The following MAML2 variants were observed in gnomAD, a reference collection of about 807,000 sequenced individuals.
The protein encoded by MAML2 is mastermind like transcriptional coactivator 2, also known as mastermind-like protein 2.
A neutral mutation model predicts 96.1 loss-of-function variants in MAML2; 22 were observed. The ratio of observed to expected loss-of-function variants is 0.23; its 90% confidence interval spans 0.16 to 0.33. The LOEUF is 0.33. Ranked by LOEUF, MAML2 falls within the 10% of genes least tolerant of loss-of-function variation. The pLI, the probability that MAML2 is intolerant of heterozygous loss-of-function variation, is 1.00. For synonymous variants in MAML2, 561 were observed against 521.3 expected (o/e 1.08, Z -1.04); for missense variants, 1,367 against 1,392.4 (o/e 0.98, Z 0.29).
In MAML2 at chr11:96,313,451, T is replaced by C. The variant is rs1437199820; in HGVS notation, c.513+27932A>G. 3.9e-5 allele frequency among the ~76,000 whole-genome samples: 6 copies of C among 152,128 alleles called. No individual in the cohort carries two copies. In the East Asian group the frequency reaches 1.2e-3, roughly 29 times the overall value. ...TGCATTTCCCTTTTTTCACACTCCT[T>C]TCCCACCATGCCAAATCCCACCACT... On this transcript the variant is annotated intron_variant, in intron 1 of 4. Coordinates refer to ENST00000524717, the MANE Select transcript of MAML2 (RefSeq NM_032427.4).
chr11:96,104,324 C>T (rs756569487), intron 1 of MAML2, among the ~76,000 whole-genome samples: 2 of 152,096 alleles, frequency 1.3e-5, no homozygotes, highest in Admixed American at 6.5e-5. Flanking sequence ...GAAAACACGT[C>T]GAGATGCCGA....
chr11:96,145,233 C>G (rs377377005), intron 1 of MAML2, among the ~76,000 whole-genome samples: 8 of 152,158 alleles, frequency 5.3e-5, no homozygotes, highest in African/African-American at 1.9e-4. Context: ...GCCTTGCTTC[C>G]TGTTTTCCCT....
chr11:96,295,901 C>A lies in MAML2; in HGVS notation c.513+45482G>T, dbSNP rs1046045635. Reference sequence around the variant, plus strand: ...TGGATGTAAAACTTTCTTCCTGTAACCCACAACAAGAAATCCATTTCACAT... The same window carrying A: ...TGGATGTAAAACTTTCTTCCTGTAAACCACAACAAGAAATCCATTTCACAT... On this transcript the variant is annotated intron_variant, in intron 1 of 4. Transcript: ENST00000524717. 3.5e-5 allele frequency among the ~76,000 whole-genome samples: 4 copies of A among 114,790 alleles called. No individual in the cohort carries two copies. The Admixed American group carries it at 3.9e-4, about 11-fold the overall frequency. 75.3% of individuals were successfully genotyped at this position (114,790 alleles called of 152,430 possible). A position where few individuals can be genotyped will look rare whatever the true frequency, so the allele number is the denominator to read the frequency against.
chr11:96,127,848 C>T (rs117692623), intron 1 of MAML2, among the ~76,000 whole-genome samples: 1,572 of 152,278 alleles, frequency 0.01, 14 homozygotes, highest in Non-Finnish European at 0.013. Context: ...ATCCTAGTGG[C>T]CCTACTGTTT....
intron 1 of MAML2, among the ~76,000 whole-genome samples, chr11:96,100,261 T>C (rs1196321107): frequency 6.6e-6 from 1 of 152,150 alleles, no homozygotes; most frequent in Non-Finnish European, 1.5e-5. Flanking sequence ...TGTTTGTTTG[T>C]TGTTTTATGT....
chr11:96,308,176 G>A (rs1237009014), intron 1 of MAML2, among the ~76,000 whole-genome samples: 1 of 151,988 alleles, frequency 6.6e-6, no homozygotes, highest in African/African-American at 2.4e-5. Flanking sequence ...TTGGGGGGCA[G>A]TGGTGGTGGG....
intron 1 of MAML2, among the ~76,000 whole-genome samples, chr11:96,184,238 C>A (rs1386400974): frequency 3.3e-5 from 5 of 152,136 alleles, no homozygotes; most frequent in Admixed American, 3.3e-4. Context: ...GTCAGGAGTT[C>A]GAGACCAGCC....
chr11:96,048,385 A>G (rs1858940056), intron 2 of MAML2, among the ~76,000 whole-genome samples: 1 of 152,244 alleles, frequency 6.6e-6, no homozygotes, highest in Non-Finnish European at 1.5e-5. Context: ...TGTTTATTTG[A>G]TGTCCCAAAT....
At chr11:96,160,648 G>A (rs1373908285) in intron 1 of MAML2, among the ~76,000 whole-genome samples, 6 of 152,164 alleles carry the variant, frequency 3.9e-5, no homozygotes, top group African/African-American at 1.4e-4. Context: ...GGCTGGTCTC[G>A]AACTCCTGAC....
At chr11:96,268,126 A>T (rs1307107632) in intron 1 of MAML2, among the ~76,000 whole-genome samples, 1 of 152,074 alleles carries the variant, frequency 6.6e-6, no homozygotes, top group Non-Finnish European at 1.5e-5. Context: ...TGGTATTTGG[A>T]TATCTTTATT....
At chr11:96,149,649 T>C (rs947005931) in intron 1 of MAML2, among the ~76,000 whole-genome samples, 5 of 150,974 alleles carry the variant, frequency 3.3e-5, no homozygotes, top group African/African-American at 1.2e-4. Context: ...GGAGAATTGC[T>C]TTTGAACCCA....
rs1373088876 is a variant in MAML2, at chr11:96,328,210, G to A, written c.513+13173C>T. Among the ~76,000 whole-genome samples, 3 of 151,968 alleles carry A rather than the reference G, an allele frequency of 2.0e-5. No individual in the cohort carries two copies. The East Asian group carries it at 5.8e-4, about 29-fold the overall frequency. ...AGCAAAGGTAAGACCCCATCTATTG[G>A]GAAAGAAAGGCAACTTGACTTCCTT... On this transcript the variant is annotated intron_variant, in intron 1 of 4. Coordinates refer to ENST00000524717, the MANE Select transcript of MAML2 (RefSeq NM_032427.4).
intron 2 of MAML2, among the ~76,000 whole-genome samples, chr11:95,992,472 T>C (rs1043894944): frequency 6.6e-6 from 1 of 152,204 alleles, no homozygotes; most frequent in Non-Finnish European, 1.5e-5. Flanking sequence ...AGATCAGGAC[T>C]CTGCAAGACA....
At chr11:96,251,294 G>A (rs781389890) in intron 1 of MAML2, among the ~76,000 whole-genome samples, 10 of 152,316 alleles carry the variant, frequency 6.6e-5, no homozygotes, top group Non-Finnish European at 4.4e-5. Context: ...TATCTCTGTA[G>A]CTAGAATTCA....
At chr11:96,204,985 G>A (rs1861876799) in intron 1 of MAML2, among the ~76,000 whole-genome samples, 1 of 152,172 alleles carries the variant, frequency 6.6e-6, no homozygotes, top group African/African-American at 2.4e-5. Flanking sequence ...AAAGCTCAGA[G>A]TCCTATATCT....
intron 1 of MAML2, among the ~76,000 whole-genome samples, chr11:96,117,191 C>A (rs950127953): frequency 6.6e-6 from 1 of 151,546 alleles, no homozygotes; most frequent in Non-Finnish European, 1.5e-5. Flanking sequence ...CAATAAGGTA[C>A]GGGCACACCA....
At chr11:96,198,438 A>T (rs1176421636) in intron 1 of MAML2, among the ~76,000 whole-genome samples, 1 of 152,242 alleles carries the variant, frequency 6.6e-6, no homozygotes, top group Non-Finnish European at 1.5e-5. Flanking sequence ...AGAAATTCCC[A>T]GCTAAACATC....
At chr11:96,011,107 C>T (rs928443682) in intron 2 of MAML2, among the ~76,000 whole-genome samples, 1 of 152,120 alleles carries the variant, frequency 6.6e-6, no homozygotes, top group Admixed American at 6.5e-5. Context: ...AAAGGGAATG[C>T]TTATGCACTG....
chr11:96,276,160 G>A (rs1369826900), intron 1 of MAML2, among the ~76,000 whole-genome samples: 1 of 152,144 alleles, frequency 6.6e-6, no homozygotes, highest in Non-Finnish European at 1.5e-5. Context: ...AGCAGCTACC[G>A]GTTTCCTGGT....
Sources: allele counts gnomAD v4.1 joint callset (sites outside exome capture counted in the v4.1 genomes callset), GRCh38; gene constraint gnomAD v4.1.1; transcripts MANE v1.5; gene names NCBI Gene and HGNC (gene_info 2026-07-23, HGNC 2026-07-21).